The following ZEB1 variants were observed in gnomAD, a reference collection of about 807,000 sequenced individuals.
ZEB1 encodes zinc finger E-box-binding homeobox 1.
Under a neutral mutation model 84.9 loss-of-function variants are expected in ZEB1, and 21 were observed. The ratio of observed to expected loss-of-function variants is 0.25; its 90% confidence interval spans 0.18 to 0.36. The LOEUF (loss-of-function observed/expected upper bound fraction) is 0.36, where lower values mean the gene tolerates loss of function less well. Ranked by LOEUF, ZEB1 falls within the 10% of genes least tolerant of loss-of-function variation. The probability of loss-of-function intolerance (pLI) is 1.00; values close to 1 mark genes in which losing one functional copy is unlikely to be tolerated. For missense variants in ZEB1, 1,104 were observed against 1,330.2 expected (o/e 0.83, Z 2.65); for synonymous variants, 420 against 471.1 (o/e 0.89, Z 1.41).
At chr10:31,431,011 C>A (rs1200382828) in intron 1 of ZEB1, among the ~76,000 whole-genome samples, 1 of 152,130 alleles carries the variant, frequency 6.6e-6, no homozygotes, top group Non-Finnish European at 1.5e-5. Flanking sequence ...TAAATCAGTA[C>A]AAAGAGTGTA....
At chr10:31,384,563 G>A (rs1341018929) in intron 1 of ZEB1, among the ~76,000 whole-genome samples, 5 of 152,310 alleles carry the variant, frequency 3.3e-5, no homozygotes, top group African/African-American at 7.2e-5. Flanking sequence ...TACAGATTGC[G>A]TGAGAAACAT....
chr10:31,392,939 A>T (rs1382339210), intron 1 of ZEB1, among the ~76,000 whole-genome samples: 1 of 152,108 alleles, frequency 6.6e-6, no homozygotes, highest in African/African-American at 2.4e-5. Flanking sequence ...GGCTCAAGCC[A>T]TCCTCCTGTT....
chr10:31,475,256 A>C (rs1456818230), intron 2 of ZEB1, among the ~76,000 whole-genome samples: 4 of 151,792 alleles, frequency 2.6e-5, no homozygotes, highest in African/African-American at 9.7e-5. Context: ...GACAAAAAAT[A>C]AGTTTTGTAA....
chr10:31,384,732 G>A (rs1204114279), intron 1 of ZEB1, among the ~76,000 whole-genome samples: 2 of 152,170 alleles, frequency 1.3e-5, no homozygotes, highest in Non-Finnish European at 2.9e-5. Context: ...ATCTTCTGCA[G>A]GTGGAAATGA....
chr10:31,412,033 T>A (rs1447282642), intron 1 of ZEB1, among the ~76,000 whole-genome samples: 1 of 152,156 alleles, frequency 6.6e-6, no homozygotes, highest in Non-Finnish European at 1.5e-5. Context: ...CTAAAACATT[T>A]TTTCAGGAGC....
intron 1 of ZEB1, among the ~76,000 whole-genome samples, chr10:31,325,549 A>G (rs559880391): frequency 1.3e-5 from 2 of 152,056 alleles, no homozygotes. Flanking sequence ...AAAACCTTAC[A>G]GTATGGCAAC....
intron 4 of ZEB1, 72 bp downstream of exon 4, chr10:31,502,581 A>T: frequency 6.3e-7 from 1 of 1,593,412 alleles, no homozygotes; most frequent in South Asian, 1.1e-5. Flanking sequence ...CTACTATGGG[A>T]ACCTGCTCTA....
chr10:31,419,818 G>A (rs1024484948), intron 1 of ZEB1, among the ~76,000 whole-genome samples: 5 of 152,152 alleles, frequency 3.3e-5, no homozygotes, highest in African/African-American at 9.7e-5. Context: ...TGAGAGCTGA[G>A]GATACAGACT....
intron 1 of ZEB1, among the ~76,000 whole-genome samples, chr10:31,361,464 C>G (rs1326616204): frequency 6.6e-6 from 1 of 152,162 alleles, no homozygotes; most frequent in Non-Finnish European, 1.5e-5. Flanking sequence ...AAATGCAAAC[C>G]TGGGGAGGGC....
chr10:31,510,895 G>A lies in ZEB1; in HGVS notation c.687+20G>A. 1 of 1,611,106 alleles carries A rather than the reference G, an allele frequency of 6.2e-7. No homozygotes were observed. The highest frequency in any genetic ancestry group is 8.5e-7 in the Non-Finnish European group (1 of 1,177,846). On this transcript the variant is annotated intron_variant, in intron 5 of 8. Transcript: ENST00000424869. ...GATCAAGTAAGTGCAATGACTGAGA[G>A]TTCACTAACTTTCCAGATTTTGACA...
At chr10:31,514,871 T>G (rs2070783625) in intron 6 of ZEB1, among the ~76,000 whole-genome samples, 163 bp downstream of exon 6, 1 of 152,044 alleles carries the variant, frequency 6.6e-6, no homozygotes, top group Non-Finnish European at 1.5e-5. Flanking sequence ...TTTATTAGAG[T>G]CTTAACCTTT....
chr10:31,502,274 A>C, intron 3 of ZEB1, 74 bp from the exon 4 acceptor site: 3 of 1,439,512 alleles, frequency 2.1e-6, no homozygotes, highest in Middle Eastern at 1.9e-4. Flanking sequence ...CAAGATAAAT[A>C]ATTTCTTATT....
intron 4 of ZEB1, among the ~76,000 whole-genome samples, chr10:31,505,457 CATT>C (rs1354074458): frequency 1.3e-5 from 2 of 151,930 alleles, no homozygotes; most frequent in East Asian, 3.9e-4. Context: ...TCTCATTACT[CATT>C]ATTGGTCTGT....
intron 1 of ZEB1, among the ~76,000 whole-genome samples, chr10:31,393,784 C>A (rs2050214426): frequency 6.6e-6 from 1 of 152,106 alleles, no homozygotes; most frequent in Non-Finnish European, 1.5e-5. Context: ...TCTCCCTGTG[C>A]CTGAAAGATA....
intron 1 of ZEB1, among the ~76,000 whole-genome samples, chr10:31,341,577 G>T (rs2039374896): frequency 2.0e-5 from 3 of 152,126 alleles, no homozygotes; most frequent in Admixed American, 2.0e-4. Flanking sequence ...GATGCTGTGG[G>T]ATATAGATGG....
At chr10:31,450,233 A>T (rs186800519) in intron 1 of ZEB1, among the ~76,000 whole-genome samples, 4 of 152,212 alleles carry the variant, frequency 2.6e-5, no homozygotes, top group Admixed American at 1.3e-4. Flanking sequence ...CAAATATTTG[A>T]TGACTTTTAC....
intron 1 of ZEB1, chr10:31,321,103 C>CCCCCAG (rs987363003): frequency 1.9e-5 from 19 of 1,003,776 alleles, no homozygotes; most frequent in Non-Finnish European, 2.3e-5. Flanking sequence ...CTCTCGTGCT[C>CCCCCAG]CCCCAGCCCC....
chr10:31,365,468 TAAAA>T (rs768542816), intron 1 of ZEB1, among the ~76,000 whole-genome samples: 6 of 152,222 alleles, frequency 3.9e-5, no homozygotes, highest in African/African-American at 9.6e-5. Context: ...AGTTAAAAAA[TAAAA>T]AAATAAATTG....
intron 1 of ZEB1, among the ~76,000 whole-genome samples, chr10:31,367,565 T>G (rs2044770991): frequency 6.6e-6 from 1 of 152,196 alleles, no homozygotes; most frequent in African/African-American, 2.4e-5. Context: ...ATTATACAAA[T>G]GGAGAAACTG....
Sources: allele counts gnomAD v4.1 joint callset (sites outside exome capture counted in the v4.1 genomes callset), GRCh38; gene constraint gnomAD v4.1.1; transcripts MANE v1.5; gene names NCBI Gene and HGNC (gene_info 2026-07-23, HGNC 2026-07-21).